ADAM18: variants seen among roughly 807,000 people sequenced by gnomAD.
The protein encoded by ADAM18 is disintegrin and metalloproteinase domain-containing protein 18.
A neutral mutation model predicts 94.4 loss-of-function variants in ADAM18; 117 were observed. That is an observed-to-expected ratio of 1.24 (90% CI 1.07 to 1.45). The LOEUF (loss-of-function observed/expected upper bound fraction) is 1.45. Ranked by LOEUF, ADAM18 falls within the 40% of genes most tolerant of loss-of-function variation. The pLI is 0.00. For missense variants in ADAM18, 936 were observed against 880.0 expected (o/e 1.06, Z -0.81); for synonymous variants, 327 against 291.6 (o/e 1.12, Z -1.24).
intron 5 of ADAM18, 94 bp downstream of exon 5, chr8:39,609,655 TAAGGGAAATCAA>T: frequency 1.2e-6 from 1 of 821,568 alleles, no homozygotes; most frequent in South Asian, 2.1e-5. Context: ...CATGGAAGTT[TAAGGGAAATCAA>T]AATGGAAAGT....
chr8:39,714,767 A>C (rs1332056605), intron 18 of ADAM18, among the ~76,000 whole-genome samples: 1 of 152,118 alleles, frequency 6.6e-6, no homozygotes, highest in Non-Finnish European at 1.5e-5. Flanking sequence ...CAAGTTCTTC[A>C]AAACTGTGAC....
At chr8:39,724,502 A>G (rs968416457) in intron 19 of ADAM18, among the ~76,000 whole-genome samples, 6 of 151,716 alleles carry the variant, frequency 4.0e-5, no homozygotes, top group Non-Finnish European at 5.9e-5. Context: ...TGATATTTTA[A>G]AAGATCCAAC....
intron 2 of ADAM18, among the ~76,000 whole-genome samples, chr8:39,596,162 G>A (rs1190009112): frequency 1.3e-5 from 2 of 152,190 alleles, no homozygotes; most frequent in African/African-American, 4.8e-5. Flanking sequence ...GATCTCAGAT[G>A]TTTGTTTCAA....
intron 18 of ADAM18, among the ~76,000 whole-genome samples, chr8:39,711,507 A>G (rs1260407965): frequency 6.6e-6 from 1 of 152,218 alleles, no homozygotes; most frequent in East Asian, 1.9e-4. Context: ...AGAGAACTAA[A>G]GAAAATCAAG....
At chr8:39,645,932 C>G (rs7839540) in intron 11 of ADAM18, among the ~76,000 whole-genome samples, 1 of 151,962 alleles carries the variant, frequency 6.6e-6, no homozygotes, top group Admixed American at 6.6e-5. Flanking sequence ...GAGTGTCTTG[C>G]AAAAGTATGG....
chr8:39,650,640 A>G (rs1271750768), intron 12 of ADAM18, among the ~76,000 whole-genome samples: 1 of 152,248 alleles, frequency 6.6e-6, no homozygotes, highest in Non-Finnish European at 1.5e-5. Context: ...ATGAAAGGAA[A>G]CAAATTAATG....
intron 2 of ADAM18, among the ~76,000 whole-genome samples, chr8:39,598,697 G>A (rs1015514374): frequency 2.6e-5 from 4 of 151,466 alleles, no homozygotes; most frequent in Non-Finnish European, 5.9e-5. Flanking sequence ...GAACCTGGGA[G>A]GCAGATGTTG....
rs1820747217 is a variant in ADAM18 at position 39,658,525 on chromosome 8, G to A, written c.1231-5270G>A. Among the ~76,000 whole-genome samples the A allele has an allele frequency of 2.0e-5, 3 of 152,240 alleles. No homozygotes were observed. The South Asian group carries it at 6.2e-4, about 32-fold the overall frequency. On this transcript the variant is annotated intron_variant, in intron 12 of 19. Transcript: ENST00000265707. ...GCCTTCTATGAGCTGAAAAAGGCAG[G>A]AAAATAGATTCTACCAGAAAGCTTC... is the stretch of plus-strand genomic sequence containing the variant.
intron 12 of ADAM18, among the ~76,000 whole-genome samples, chr8:39,649,839 G>A (rs183638365): frequency 6.6e-6 from 1 of 152,084 alleles, no homozygotes; most frequent in East Asian, 1.9e-4. Flanking sequence ...GGAAATTCTC[G>A]GAGGCATTTT....
chr8:39,653,033 T>G (rs1211288644), intron 12 of ADAM18, among the ~76,000 whole-genome samples: 2 of 152,026 alleles, frequency 1.3e-5, no homozygotes, highest in African/African-American at 2.4e-5. Flanking sequence ...AGTGGGAAAC[T>G]GGGGTGATGG....
At chr8:39,688,764 T>A (rs1821685126) in intron 16 of ADAM18, among the ~76,000 whole-genome samples, 1 of 151,832 alleles carries the variant, frequency 6.6e-6, no homozygotes, top group African/African-American at 2.4e-5. Flanking sequence ...TGTTCTGTCT[T>A]TAAAACTTGG....
intron 4 of ADAM18, 36 bp from the exon 5 acceptor site, chr8:39,609,449 G>C: frequency 6.8e-7 from 1 of 1,467,402 alleles, no homozygotes; most frequent in Non-Finnish European, 9.5e-7. Flanking sequence ...TATTCACAAC[G>C]AATTTATATA....
At chr8:39,692,568 G>T in intron 16 of ADAM18, 32 bp from the exon 17 acceptor site, 4 of 1,402,564 alleles carry the variant, frequency 2.9e-6, no homozygotes, top group Non-Finnish European at 3.9e-6. Context: ...TGACATTTGT[G>T]AATTGTAAAA....
At chr8:39,679,393 A>C (rs1821381392) in intron 15 of ADAM18, among the ~76,000 whole-genome samples, 1 of 152,238 alleles carries the variant, frequency 6.6e-6, no homozygotes, top group African/African-American at 2.4e-5. Flanking sequence ...TCTTAGCCTC[A>C]TAGAGAAGCC....
chr8:39,707,095 A>G (rs1254124412), intron 18 of ADAM18, among the ~76,000 whole-genome samples, 191 bp downstream of exon 18: 5 of 152,196 alleles, frequency 3.3e-5, no homozygotes, highest in East Asian at 3.8e-4. Flanking sequence ...TAAATGTACT[A>G]TGCTTTTTCC....
chr8:39,710,038 G>C (rs1353504730), intron 18 of ADAM18, among the ~76,000 whole-genome samples: 1 of 152,176 alleles, frequency 6.6e-6, no homozygotes, highest in Non-Finnish European at 1.5e-5. Context: ...TCAGGGAATG[G>C]TCATACTTAG....
In ADAM18 at chr8:39,729,811, T is replaced by G. The variant is rs532672851; in HGVS notation, c.2178-87T>G. 3.8e-6 allele frequency: 4 copies of G among 1,042,614 alleles called. No homozygotes were observed. The South Asian group carries it at 4.2e-5, about 11-fold the overall frequency. 64.6% of individuals were successfully genotyped at this position (1,042,614 alleles called of 1,614,324 possible). On this transcript the variant is annotated intron_variant, in intron 19 of 19. Coordinates refer to ENST00000265707, the MANE Select transcript of ADAM18 (RefSeq NM_014237.3). ...TTTTTAGCAATTATAAAGTAGAAAT[T>G]CAGTAGTAAATATGGTTTAAAATAG...
intron 7 of ADAM18, among the ~76,000 whole-genome samples, chr8:39,630,962 G>T (rs899411414): frequency 6.6e-6 from 1 of 151,910 alleles, no homozygotes; most frequent in East Asian, 1.9e-4. Context: ...GTTTTTAGGT[G>T]CATTTAACAC....
intron 4 of ADAM18, 101 bp from the exon 5 acceptor site, chr8:39,609,381 CTTA>C (rs1380188721): frequency 1.1e-5 from 8 of 759,256 alleles, no homozygotes; most frequent in Non-Finnish European, 1.7e-5. Context: ...AATTAATGAT[CTTA>C]TTATTAAATC....
Sources: allele counts gnomAD v4.1 joint callset (sites outside exome capture counted in the v4.1 genomes callset), GRCh38; gene constraint gnomAD v4.1.1; transcripts MANE v1.5; gene names NCBI Gene and HGNC (gene_info 2026-07-23, HGNC 2026-07-21).